The following RAB38 variants were observed in gnomAD, a reference collection of about 807,000 sequenced individuals.
RAB38 encodes the protein RAB38, member RAS oncogene family.
In RAB38, 15 loss-of-function variants were observed where a neutral mutation model predicts 18.4. The observed-to-expected ratio is 0.82, with a 90% CI of 0.55 to 1.26. The LOEUF (loss-of-function observed/expected upper bound fraction) is 1.26, where lower values mean the gene tolerates loss of function less well. Ranked by LOEUF, RAB38 falls within the 50% of genes most tolerant of loss-of-function variation. The probability of loss-of-function intolerance (pLI) is 0.00; values close to 1 mark genes in which losing one functional copy is unlikely to be tolerated. For missense variants in RAB38, 294 were observed against 267.4 expected (o/e 1.10, Z -0.69); for synonymous variants, 101 against 104.4 (o/e 0.97, Z 0.20).
the RAB38 span, among the ~76,000 whole-genome samples, chr11:87,870,455 G>T: frequency 6.6e-6 from 1 of 150,762 alleles, no homozygotes; most frequent in East Asian, 2.0e-4. Context: ...AATTCTTTTT[G>T]TCAAATAAAA....
the RAB38 span, among the ~76,000 whole-genome samples, chr11:88,069,526 T>C: frequency 6.6e-6 from 1 of 152,214 alleles, no homozygotes. Flanking sequence ...GGGTGGGGAT[T>C]TGGAGAACTT....
the RAB38 span, among the ~76,000 whole-genome samples, chr11:87,935,301 C>T: frequency 1.4e-3 from 214 of 152,058 alleles, no homozygotes; most frequent in African/African-American, 5.0e-3. Flanking sequence ...ACACATCTTC[C>T]CCCTTTTCTT....
At chr11:88,116,783 A>AT (rs1213181573) in intron 2 of RAB38, among the ~76,000 whole-genome samples, 2 of 152,242 alleles carry the variant, frequency 1.3e-5, no homozygotes, top group Non-Finnish European at 2.9e-5. Flanking sequence ...TTCGTATATG[A>AT]TAAAAATTAG....
chr11:87,880,616 T>G, the RAB38 span, among the ~76,000 whole-genome samples: 1 of 151,876 alleles, frequency 6.6e-6, no homozygotes, highest in South Asian at 2.1e-4. Flanking sequence ...GGGAGAAGAG[T>G]CACTTTGTAT....
At chr11:88,113,197 GA>G (rs3079613), downstream of RAB38, 312 of 140,822 alleles carry the variant, frequency 2.2e-3, 2 homozygotes, top group South Asian at 4.3e-3. Context: ...TACTTTGTCC[GA>G]AAAAAAAAAA....
At chr11:88,129,041 T>C (rs1485809502) in intron 2 of RAB38, among the ~76,000 whole-genome samples, 1 of 152,228 alleles carries the variant, frequency 6.6e-6, no homozygotes, top group East Asian at 1.9e-4. Context: ...TATACCAATG[T>C]AGATGTATGC....
the RAB38 span, among the ~76,000 whole-genome samples, chr11:88,076,574 T>C: frequency 6.6e-6 from 1 of 152,148 alleles, no homozygotes; most frequent in Non-Finnish European, 1.5e-5. Flanking sequence ...TTCTGTAACA[T>C]TGCAGGATAT....
chr11:87,864,296 C>T, the RAB38 span, among the ~76,000 whole-genome samples: 1 of 150,516 alleles, frequency 6.6e-6, no homozygotes. Flanking sequence ...CTATACTATA[C>T]TATGCTGTAC....
chr11:88,169,579 T>C (rs1204017649), intron 1 of RAB38, among the ~76,000 whole-genome samples: 2 of 152,144 alleles, frequency 1.3e-5, no homozygotes, highest in African/African-American at 4.8e-5. Context: ...GTTAAAGCCC[T>C]GGGAATGCAT....
the RAB38 span, among the ~76,000 whole-genome samples, chr11:87,946,213 A>G: frequency 6.6e-6 from 1 of 152,156 alleles, no homozygotes; most frequent in South Asian, 2.1e-4. Flanking sequence ...GAAGGCTGAG[A>G]CTGGGAAAGA....
At chr11:88,147,580 A>AAC (rs1345037610) in intron 2 of RAB38, among the ~76,000 whole-genome samples, 6 of 151,768 alleles carry the variant, frequency 4.0e-5, no homozygotes, top group Admixed American at 2.6e-4. Context: ...TAAAAAAAAA[A>AAC]AAAAAACAGC....
chr11:87,856,908 C>A, the RAB38 span, among the ~76,000 whole-genome samples: 1 of 151,950 alleles, frequency 6.6e-6, no homozygotes, highest in African/African-American at 2.4e-5. Flanking sequence ...TACATGTGCA[C>A]AATGTGCAGG....
At chr11:88,055,545 C>T in the RAB38 span, among the ~76,000 whole-genome samples, 2 of 152,126 alleles carry the variant, frequency 1.3e-5, no homozygotes, top group African/African-American at 2.4e-5. Context: ...CATATTATTA[C>T]ATTCTATCTG....
chr11:88,096,814 A>C, the RAB38 span, among the ~76,000 whole-genome samples: 5 of 151,874 alleles, frequency 3.3e-5, no homozygotes, highest in African/African-American at 1.2e-4. Context: ...TTTTAAAAAT[A>C]AAAGAAAAAA....
At chr11:87,903,525 T>C in the RAB38 span, among the ~76,000 whole-genome samples, 158 of 151,754 alleles carry the variant, frequency 1.0e-3, 1 homozygote, top group South Asian at 6.8e-3. Context: ...TGTGTGTTTG[T>C]ATTGTAAATG....
intron 2 of RAB38, among the ~76,000 whole-genome samples, chr11:88,131,854 G>C (rs1364514388): frequency 6.6e-6 from 1 of 152,192 alleles, no homozygotes; most frequent in African/African-American, 2.4e-5. Flanking sequence ...TAGCAAACTA[G>C]AGAGAAATTC....
chr11:88,135,398 G>A (rs1387321504), intron 2 of RAB38, among the ~76,000 whole-genome samples: 1 of 152,158 alleles, frequency 6.6e-6, no homozygotes, highest in Non-Finnish European at 1.5e-5. Flanking sequence ...CTGTAACATA[G>A]AGGTTCTCAA....
At chr11:87,977,347 A>AT in the RAB38 span, among the ~76,000 whole-genome samples, 3 of 117,662 alleles carry the variant, frequency 2.5e-5, no homozygotes, top group Non-Finnish European at 4.9e-5. Flanking sequence ...ATAAAATTAT[A>AT]TATTATATAA....
the RAB38 span, among the ~76,000 whole-genome samples, chr11:88,008,650 T>C: frequency 2.6e-5 from 4 of 152,172 alleles, no homozygotes; most frequent in East Asian, 5.8e-4. Flanking sequence ...GGGAAGGAAA[T>C]TGTCAAGGAA....
Sources: gnomAD v4.1 joint callset for allele counts (sites outside exome capture counted in the v4.1 genomes callset) on GRCh38, gnomAD v4.1.1 for gene constraint, MANE v1.5 for transcripts, NCBI Gene and HGNC (gene_info 2026-07-23, HGNC 2026-07-21) for gene names.